The following CSMD1 variants were observed in gnomAD, a reference collection of about 807,000 sequenced individuals.
The protein encoded by CSMD1 is CUB and sushi domain-containing protein 1.
A neutral mutation model predicts 417.5 loss-of-function variants in CSMD1; 213 were observed. The observed-to-expected ratio is 0.51, with a 90% CI of 0.46 to 0.57. CSMD1 has a LOEUF of 0.57. Among genes scored for constraint, CSMD1 ranks in the 20% least tolerant of loss-of-function variants. The pLI, the probability that CSMD1 is intolerant of heterozygous loss-of-function variation, is 0.00. For synonymous variants in CSMD1, 2,862 were observed against 1,736.8 expected (o/e 1.65, Z -16.11); for missense variants, 6,923 against 4,529.7 (o/e 1.53, Z -15.17).
intron 5 of CSMD1, among the ~76,000 whole-genome samples, chr8:3,966,762 C>CAT (rs1178611497): frequency 1.8e-5 from 2 of 112,396 alleles, no homozygotes; most frequent in South Asian, 3.1e-4. Context: ...CACGCGCGCG[C>CAT]GCGCACACAC....
At chr8:3,642,089 G>A (rs1282127165) in intron 7 of CSMD1, among the ~76,000 whole-genome samples, 6 of 151,948 alleles carry the variant, frequency 3.9e-5, no homozygotes, top group Non-Finnish European at 7.4e-5. Flanking sequence ...AAAGGATACA[G>A]CAGATACAGC....
intron 67 of CSMD1, 79 bp from the exon 68 acceptor site, chr8:2,949,465 T>C (rs1268216339): frequency 2.9e-6 from 2 of 692,350 alleles, no homozygotes; most frequent in Non-Finnish European, 4.7e-6. Context: ...ATATATCTTT[T>C]AATACAACTG....
chr8:4,461,571 G>A (rs969199150), intron 2 of CSMD1, among the ~76,000 whole-genome samples: 27 of 149,372 alleles, frequency 1.8e-4, no homozygotes, highest in African/African-American at 6.3e-4. Context: ...TGGGGTGTTG[G>A]GGGATACATC....
At chr8:4,187,668 C>A in intron 3 of CSMD1, among the ~76,000 whole-genome samples, 1 of 74,420 alleles carries the variant, frequency 1.3e-5, no homozygotes, top group East Asian at 4.4e-4. Flanking sequence ...AAGAGTGAAA[C>A]TCCGTCTCAA....
At chr8:2,940,920 C>T (rs1238673531) in intron 69 of CSMD1, among the ~76,000 whole-genome samples, 2 of 151,918 alleles carry the variant, frequency 1.3e-5, no homozygotes, top group Non-Finnish European at 2.9e-5. Flanking sequence ...ATTATATGAC[C>T]CAGAGGAACC....
chr8:3,996,800 A>G (rs1428912714), intron 5 of CSMD1, among the ~76,000 whole-genome samples: 1 of 152,224 alleles, frequency 6.6e-6, no homozygotes, highest in Non-Finnish European at 1.5e-5. Context: ...TCAACCAGGA[A>G]AGGACTTCTC....
rs561522977 is a variant in CSMD1 at position 3,245,233 on chromosome 8, C to T, written c.4154-15002G>A. On this transcript the variant is annotated intron_variant, in intron 26 of 69. Coordinates refer to ENST00000635120, the MANE Select transcript of CSMD1 (RefSeq NM_033225.6). Reference sequence around the variant, plus strand: ...CTTAGTAGTTGTCCTTGAGTCCTCCCTGTCCACAGCAAACATTCATTCCAG... The same window carrying T: ...CTTAGTAGTTGTCCTTGAGTCCTCCTTGTCCACAGCAAACATTCATTCCAG... 2.0e-5 allele frequency among the ~76,000 whole-genome samples: 3 copies of T among 152,204 alleles called. No individual in the cohort carries two copies. In the South Asian group the frequency reaches 6.2e-4, roughly 32 times the overall value.
intron 7 of CSMD1, among the ~76,000 whole-genome samples, chr8:3,653,283 T>C (rs1277998604): frequency 6.6e-6 from 1 of 152,178 alleles, no homozygotes; most frequent in Non-Finnish European, 1.5e-5. Flanking sequence ...TGGAAAAAAA[T>C]TAAAGAAAAC....
At chr8:4,601,426 C>T (rs1490720393) in intron 2 of CSMD1, among the ~76,000 whole-genome samples, 1 of 152,138 alleles carries the variant, frequency 6.6e-6, no homozygotes, top group African/African-American at 2.4e-5. Flanking sequence ...CAGCCTCAGA[C>T]CCACTTCTAC....
At chr8:4,580,283 G>A (rs1292776291) in intron 2 of CSMD1, among the ~76,000 whole-genome samples, 1 of 152,140 alleles carries the variant, frequency 6.6e-6, no homozygotes, top group African/African-American at 2.4e-5. Context: ...CCAGCCAGGT[G>A]TCTCCATGCT....
intron 3 of CSMD1, among the ~76,000 whole-genome samples, chr8:4,105,737 G>A (rs1452009037): frequency 6.6e-6 from 1 of 152,168 alleles, no homozygotes; most frequent in Admixed American, 6.5e-5. Context: ...CAGCTTTCTG[G>A]ATCGTAGTAA....
chr8:4,110,987 G>C (rs564026613), intron 3 of CSMD1, among the ~76,000 whole-genome samples: 2 of 152,136 alleles, frequency 1.3e-5, no homozygotes, highest in East Asian at 1.9e-4. Flanking sequence ...ATCTGAGCTG[G>C]AACAAGCTCA....
intron 1 of CSMD1, among the ~76,000 whole-genome samples, chr8:4,802,245 T>C (rs34130715): frequency 0.19 from 29,502 of 152,142 alleles, 3,055 homozygotes; most frequent in East Asian, 0.26. Flanking sequence ...GTGTTTGCCC[T>C]TTTCCCTTTT....
intron 10 of CSMD1, among the ~76,000 whole-genome samples, chr8:3,555,779 A>C (rs114143204): frequency 2.0e-5 from 3 of 152,168 alleles, no homozygotes; most frequent in African/African-American, 7.2e-5. Context: ...ATAGTTAGAT[A>C]GATGTATGGT....
At chr8:4,552,997 G>T (rs2130572847) in intron 2 of CSMD1, among the ~76,000 whole-genome samples, 1 of 152,278 alleles carries the variant, frequency 6.6e-6, no homozygotes, top group African/African-American at 2.4e-5. Context: ...TGGCTGCTTG[G>T]TGACATTTCA....
chr8:4,429,800 C>T (rs954229985), intron 2 of CSMD1, among the ~76,000 whole-genome samples: 11 of 152,102 alleles, frequency 7.2e-5, no homozygotes, highest in African/African-American at 2.7e-4. Flanking sequence ...ACCGGCAATC[C>T]CCTCCCATCA....
intron 18 of CSMD1, chr8:3,373,429 ATTCAG>A (rs1810102077): frequency 6.6e-6 from 1 of 152,240 alleles, no homozygotes; most frequent in African/African-American, 2.4e-5. Context: ...ACGTAGTCCA[ATTCAG>A]TTATCATGAA....
At chr8:4,798,450 G>A (rs567911834) in intron 1 of CSMD1, among the ~76,000 whole-genome samples, 14 of 152,212 alleles carry the variant, frequency 9.2e-5, no homozygotes, top group African/African-American at 3.4e-4. Flanking sequence ...AAGGAGATGA[G>A]ATTTTGCAAT....
chr8:3,713,865 T>C (rs951101647), intron 6 of CSMD1, among the ~76,000 whole-genome samples: 4 of 152,186 alleles, frequency 2.6e-5, no homozygotes, highest in Non-Finnish European at 5.9e-5. Flanking sequence ...ATCTTGTGTC[T>C]TCAACTTTTC....
Sources: gnomAD v4.1 joint callset for allele counts (sites outside exome capture counted in the v4.1 genomes callset) on GRCh38, gnomAD v4.1.1 for gene constraint, MANE v1.5 for transcripts, NCBI Gene and HGNC (gene_info 2026-07-23, HGNC 2026-07-21) for gene names.